Variants in FOCAD observed in about 807,000 individuals in gnomAD.
The protein encoded by FOCAD is KIAA1797.
FOCAD carries 198 observed loss-of-function variants against 225.6 expected under a neutral mutation model. That is an observed-to-expected ratio of 0.88 (90% CI 0.78 to 0.99). The LOEUF (loss-of-function observed/expected upper bound fraction) is 0.99. Among genes scored for constraint, FOCAD ranks in the 50% least tolerant of loss-of-function variants. FOCAD has a pLI of 0.00. For synonymous variants in FOCAD, 897 were observed against 755.0 expected (o/e 1.19, Z -3.08); for missense variants, 2,713 against 2,123.6 (o/e 1.28, Z -5.46).
intron 11 of FOCAD, among the ~76,000 whole-genome samples, chr9:20,815,123 G>GGTTTTTTTT (rs796702774): frequency 0.011 from 904 of 85,306 alleles, 104 homozygotes; most frequent in African/African-American, 0.028. Context: ...ACTTCTCTTT[G>GGTTTTTTTT]TTTTTTTTTT....
chr9:20,815,665 T>TA (rs1823655337), intron 11 of FOCAD, among the ~76,000 whole-genome samples: 1 of 152,080 alleles, frequency 6.6e-6, no homozygotes, highest in Non-Finnish European at 1.5e-5. Flanking sequence ...TCAAGGAACT[T>TA]AAACGCTGGA....
In FOCAD at chr9:20,854,699, C is replaced by T. The variant is rs968670809; in HGVS notation, c.1921-7879C>T. Among the ~76,000 whole-genome samples, 8 of 151,736 alleles carry T rather than the reference C, an allele frequency of 5.3e-5. No homozygotes were observed. In the East Asian group the frequency reaches 1.5e-3, roughly 29 times the overall value. ...CAACAAAGTATGCATAACATAAACACTTAGGCTGAGATGAATTCTTCAGTA... is the reference window on the plus strand; with the variant it reads ...CAACAAAGTATGCATAACATAAACATTTAGGCTGAGATGAATTCTTCAGTA... On this transcript the variant is annotated intron_variant, in intron 15 of 43. Transcript: ENST00000338382.
At chr9:20,695,733 A>G (rs1475497745) in intron 1 of FOCAD, among the ~76,000 whole-genome samples, 3 of 152,212 alleles carry the variant, frequency 2.0e-5, no homozygotes, top group African/African-American at 7.2e-5. Context: ...TTTAAAAGCT[A>G]TGTGGGATAA....
chr9:20,990,299 G>A lies in FOCAD; in HGVS notation c.5181G>A (p.Gln1727=). The stretch of plus-strand genomic sequence containing the variant: ...GTCCAATGCACAGGGTCACTCTGCA[G>A]GAGGTTCTCACTCTCCTTCCCAATA... ...GRSPMHRVTL[Q]EVLTLLPNSM... The change falls in exon 42 of 44, where the codon CAG becomes CAA. Residue 1727 remains glutamine, a synonymous_variant. Transcript: ENST00000338382. 6.2e-7 allele frequency: 1 copy of A among 1,614,106 alleles called. No homozygotes were observed. The highest frequency in any genetic ancestry group is 8.5e-7 in the Non-Finnish European group (1 of 1,180,000).
At chr9:20,910,397 T>G (rs1732343669) in intron 22 of FOCAD, among the ~76,000 whole-genome samples, 1 of 152,118 alleles carries the variant, frequency 6.6e-6, no homozygotes, top group South Asian at 2.1e-4. Context: ...GCCAGCTAGT[T>G]GCCAAATAAC....
At chr9:20,856,482 G>C (rs1828197892) in intron 15 of FOCAD, among the ~76,000 whole-genome samples, 1 of 151,876 alleles carries the variant, frequency 6.6e-6, no homozygotes, top group Non-Finnish European at 1.5e-5. Flanking sequence ...TTTTATTCTA[G>C]TTATTAATTC....
At chr9:20,682,225 A>G (rs1822420047), upstream of FOCAD, among the ~76,000 whole-genome samples, 3 of 152,212 alleles carry the variant, frequency 2.0e-5, no homozygotes, top group South Asian at 6.2e-4. Context: ...TTTATAAATT[A>G]CCCAGTCTAA....
At position 20,986,374 on chromosome 9, in the gene FOCAD, C is replaced by T. The variant is rs759182469; in HGVS notation, c.4815C>T (p.Ser1605=). ...FPLVNLTDML[S]VAVQHREKEV... ...TGGTGAACCTGACCGATATGCTGAG[C>T]GTTGCTGTGCAGCACCGTGAGAAAG... Residue 1605 remains serine (S), a synonymous_variant, in exon 40 of 44, where the codon AGC becomes AGT. Transcript: ENST00000338382. The T allele has an allele frequency of 2.5e-6, 4 of 1,605,304 alleles. No individual in the cohort carries two copies. Among genetic ancestry groups the T allele is most frequent in the East Asian group, 2.3e-5 (1 of 44,148 alleles).
At chr9:20,799,130 A>G (rs182164378) in intron 11 of FOCAD, among the ~76,000 whole-genome samples, 1,770 of 152,188 alleles carry the variant, frequency 0.012, 20 homozygotes, top group South Asian at 0.03. Context: ...GGAGCAGGTC[A>G]TTCAGTTTCC....
At chr9:20,789,689 A>C in intron 11 of FOCAD, 81 bp downstream of exon 11, 1 of 1,507,372 alleles carries the variant, frequency 6.6e-7, no homozygotes, top group Non-Finnish European at 9.0e-7. Flanking sequence ...TTTGTGGATT[A>C]TTTGCATCAG....
chr9:20,866,960 C>A lies in FOCAD; in HGVS notation c.2138C>A (p.Ser713Tyr), dbSNP rs762310281. 2.2e-6 allele frequency: 3 copies of A among 1,383,190 alleles called. No homozygotes were observed. Among genetic ancestry groups the A allele is most frequent in the African/African-American group, 1.7e-5 (1 of 60,120 alleles). 85.7% of individuals were successfully genotyped at this position (1,383,190 alleles called of 1,614,324 possible). Residue 713 changes from serine to tyrosine, a missense_variant, in exon 18 of 44, where the codon TCC becomes TAC. Physicochemically the swap from Ser to Tyr is moderately radical, Grantham distance 144 (BLOSUM62 -2). Coordinates refer to ENST00000338382, the MANE Select transcript of FOCAD (RefSeq NM_001375567.1). ...DPIVANAAYR[S>Y]LANFSAGEHT... Reference sequence around the variant, plus strand: ...ATTGTAGCAAATGCTGCATATAGATCCCTGGCCAACTTTAGTGCAGGAGAA... The same window carrying A: ...ATTGTAGCAAATGCTGCATATAGATACCTGGCCAACTTTAGTGCAGGAGAA...
At chr9:20,737,334 A>G (rs1219313073) in intron 4 of FOCAD, among the ~76,000 whole-genome samples, 1 of 152,184 alleles carries the variant, frequency 6.6e-6, no homozygotes, top group African/African-American at 2.4e-5. Context: ...TTATCTCTAG[A>G]ACTCTAGTCA....
At chr9:20,913,144 A>T (rs923385907) in intron 23 of FOCAD, among the ~76,000 whole-genome samples, 190 bp downstream of exon 23, 1 of 106,880 alleles carries the variant, frequency 9.4e-6, no homozygotes, top group Non-Finnish European at 1.9e-5. Context: ...TAAATTATAC[A>T]TACACACACA....
chr9:20,907,170 G>A lies in FOCAD; in HGVS notation c.2646G>A (p.Glu882=), dbSNP rs371228089. ...CATAGGTTCATATCCAGCTTTCAGAGTGGCACCGTGCAATTTTTCTTCCAC... is the reference window on the plus strand; with the variant it reads ...CATAGGTTCATATCCAGCTTTCAGAATGGCACCGTGCAATTTTTCTTCCAC... ...LVHEVHIQLS[E]WHRAIFLPQA... is the part of the protein sequence containing the mutation. The change falls in exon 22 of 44, where the codon GAG becomes GAA. Residue 882 remains glutamate, a synonymous_variant. Coordinates refer to ENST00000338382, the MANE Select transcript of FOCAD (RefSeq NM_001375567.1). The A allele has an allele frequency of 3.1e-6, 5 of 1,612,934 alleles. No homozygotes were observed. The East Asian group carries it at 8.9e-5, about 29-fold the overall frequency.
At position 20,990,226 on chromosome 9, in the gene FOCAD, A is replaced by C. The variant is rs763608595; in HGVS notation, c.5108A>C (p.His1703Pro). The C allele has an allele frequency of 2.5e-6, 4 of 1,614,174 alleles. No individual in the cohort carries two copies. The highest frequency in any genetic ancestry group is 3.4e-6 in the Non-Finnish European group (4 of 1,180,022). ...CTCAGTGCCAGTTGGTTGCCATGGCATCAGGAGAATGGCCCGGCTGGGCCA... is the reference window on the plus strand; with the variant it reads ...CTCAGTGCCAGTTGGTTGCCATGGCCTCAGGAGAATGGCCCGGCTGGGCCA... ...LGLSASWLPW[H>P]QENGPAGPVP... The change falls in exon 42 of 44, where the codon CAT becomes CCT. Residue 1703 changes from histidine to proline, a missense_variant. Physicochemically the swap from His to Pro is moderately conservative, Grantham distance 77 (BLOSUM62 -2). Transcript: ENST00000338382.
At chr9:20,971,417 T>C (rs898628532) in intron 35 of FOCAD, among the ~76,000 whole-genome samples, 37 of 152,140 alleles carry the variant, frequency 2.4e-4, no homozygotes, top group African/African-American at 8.9e-4. Context: ...ATGTAAAATT[T>C]ACCCTCATAA....
At chr9:20,851,850 A>G (rs1159447911) in intron 15 of FOCAD, among the ~76,000 whole-genome samples, 1 of 151,796 alleles carries the variant, frequency 6.6e-6, no homozygotes, top group African/African-American at 2.4e-5. Context: ...CTTTTTTTGT[A>G]AGTAAAGTTT....
At chr9:20,667,114 G>A (rs984782689) in intron 2 of FOCAD, among the ~76,000 whole-genome samples, 8 of 152,122 alleles carry the variant, frequency 5.3e-5, no homozygotes, top group Non-Finnish European at 7.4e-5. Context: ...CATTTAAGTC[G>A]AATTTCGAAT....
At chr9:20,713,644 C>G (rs1825057387) in intron 1 of FOCAD, among the ~76,000 whole-genome samples, 1 of 152,170 alleles carries the variant, frequency 6.6e-6, no homozygotes, top group Non-Finnish European at 1.5e-5. Flanking sequence ...ATTTTGTTCA[C>G]TGATATAACT....
Sources: allele counts gnomAD v4.1 joint callset (sites outside exome capture counted in the v4.1 genomes callset), GRCh38; gene constraint gnomAD v4.1.1; transcripts MANE v1.5; gene names NCBI Gene and HGNC (gene_info 2026-07-23, HGNC 2026-07-21).